SKP1: variants seen among roughly 807,000 people sequenced by gnomAD.
SKP1 encodes the protein S-phase kinase-associated protein 1.
Under a neutral mutation model 21.5 loss-of-function variants are expected in SKP1, and 1 was observed. The observed-to-expected ratio is 0.05, with a 90% confidence interval of 0.02 to 0.22. The LOEUF (loss-of-function observed/expected upper bound fraction) is 0.22. SKP1 is among the 10% of genes least tolerant of loss of function. The pLI is 1.00. For missense variants in SKP1, 70 were observed against 192.0 expected, an observed-to-expected ratio of 0.36 and a Z score of 3.76; for synonymous variants, 59 against 59.3, an observed-to-expected ratio of 0.99 and a Z score of 0.03.
intron 3 of SKP1, among the ~76,000 whole-genome samples, chr5:134,165,093 GGAA>G (rs1465005508): frequency 6.6e-6 from 1 of 151,508 alleles, no homozygotes; most frequent in African/African-American, 2.4e-5. Context: ...TACCGAAATT[GGAA>G]GTTACAGTTT....
At chr5:134,166,343 G>A (rs10036074) in intron 3 of SKP1, among the ~76,000 whole-genome samples, 5,179 of 151,646 alleles carry the variant, frequency 0.034, 241 homozygotes, top group African/African-American at 0.11. Context: ...AGCACTTTGC[G>A]AGGCTGAGGT....
intron 4 of SKP1, among the ~76,000 whole-genome samples, chr5:134,159,686 T>A (rs1308515344): frequency 6.6e-6 from 1 of 152,126 alleles, no homozygotes; most frequent in East Asian, 1.9e-4. Context: ...TAGCTGAGAC[T>A]ACAGGTTCCT....
In SKP1 at chr5:134,151,205, A is replaced by T. The variant is rs1254710306; in HGVS notation, c.*6528T>A. On this transcript the variant is annotated 3_prime_UTR_variant, in exon 6 of 6. Coordinates refer to ENST00000353411, the MANE Select transcript of SKP1 (RefSeq NM_170679.3). ...CTTCCTTTTTCATTCAAGTGTTCTCATTCTTTTATCTGAAGCCTAGTTCTT... is the reference window on the plus strand; with the variant it reads ...CTTCCTTTTTCATTCAAGTGTTCTCTTTCTTTTATCTGAAGCCTAGTTCTT... The T allele has an allele frequency of 5.9e-5, 9 of 152,210 alleles. No homozygotes were observed. The highest frequency in any genetic ancestry group is 2.9e-5 in the Non-Finnish European group (2 of 68,190). 9.4% of individuals were successfully genotyped at this position (152,210 alleles called of 1,614,324 possible).
At chr5:134,169,052 T>C (rs1413153876) in intron 2 of SKP1, among the ~76,000 whole-genome samples, 1 of 152,028 alleles carries the variant, frequency 6.6e-6, no homozygotes, top group Non-Finnish European at 1.5e-5. Context: ...AACTGCAGGC[T>C]TTAAAGACTG....
At chr5:134,166,780 C>T (rs1186086593) in intron 3 of SKP1, among the ~76,000 whole-genome samples, 10 of 152,086 alleles carry the variant, frequency 6.6e-5, no homozygotes, top group Non-Finnish European at 1.2e-4. Context: ...AAGACAGTCA[C>T]GATTCAATTC....
chr5:134,164,578 C>A (rs1379868117), intron 3 of SKP1, among the ~76,000 whole-genome samples: 1 of 152,118 alleles, frequency 6.6e-6, no homozygotes, highest in African/African-American at 2.4e-5. Context: ...TTTTGGATGG[C>A]ATTTGAATGT....
At position 134,157,049 on chromosome 5, in the gene SKP1, G is replaced by C. The variant is rs1223688843; in HGVS notation, c.*684C>G. On this transcript the variant is annotated 3_prime_UTR_variant, in exon 6 of 6. Transcript: ENST00000353411. ...AAAGATGACATCCCACATGGGTTAAGTGTCTTTTTAATTGAAAAGCTAACT... is the reference window on the plus strand; with the variant it reads ...AAAGATGACATCCCACATGGGTTAACTGTCTTTTTAATTGAAAAGCTAACT... 6.5e-6 allele frequency: 1 copy of C among 152,680 alleles called. No homozygotes were observed. Among genetic ancestry groups the C allele is most frequent in the Non-Finnish European group, 1.5e-5 (1 of 68,054 alleles). 9.5% of individuals were successfully genotyped at this position (152,680 alleles called of 1,614,324 possible).
intron 4 of SKP1, among the ~76,000 whole-genome samples, chr5:134,160,592 T>C (rs540862089): frequency 7.2e-5 from 11 of 152,196 alleles, no homozygotes; most frequent in African/African-American, 1.2e-4. Flanking sequence ...TTTAAAAAAC[T>C]GATCCCCTTA....
chr5:134,166,579 T>TC (rs1761336062), intron 3 of SKP1, among the ~76,000 whole-genome samples: 2 of 2,812 alleles, frequency 7.1e-4, no homozygotes, highest in South Asian at 0.01. Flanking sequence ...GACTCTGGTC[T>TC]CAAAAAAAAA....
At chr5:134,171,114 A>C in intron 2 of SKP1, 1 of 434,484 alleles carries the variant, frequency 2.3e-6, no homozygotes, top group Non-Finnish European at 4.5e-6. Flanking sequence ...TTTAAAGGCC[A>C]CTATGATTGG....
chr5:134,176,445 G>A (rs1761547806), intron 1 of SKP1, among the ~76,000 whole-genome samples: 1 of 152,134 alleles, frequency 6.6e-6, no homozygotes, highest in South Asian at 2.1e-4. Flanking sequence ...GCTCACGACA[G>A]CCAAGGGACC....
rs1427196151 is a variant in SKP1 at position 134,153,198 on chromosome 5, G to A, written c.*4535C>T. The A allele has an allele frequency of 5.9e-5, 9 of 152,208 alleles. No individual in the cohort carries two copies. Among genetic ancestry groups the A allele is most frequent in the African/African-American group, 1.9e-4 (8 of 41,448 alleles). The allele number at this position is 152,208 out of a possible 1,614,324, so 9.4% of individuals were successfully genotyped here. The stretch of plus-strand genomic sequence containing the variant: ...TTTAGAAAAGGAAAAATTGGTGGGT[G>A]CTGTGGCTCACATCTGTAATACCAG... On this transcript the variant is annotated 3_prime_UTR_variant, in exon 6 of 6. Coordinates refer to ENST00000353411, the MANE Select transcript of SKP1 (RefSeq NM_170679.3).
Position 134,150,381 on chromosome 5 carries a change from G to A in SKP1, c.*7352C>T, listed in dbSNP as rs867215079. ...CCAGGAAGGCCACAAGTAAAGGGAA[G>A]CGGAAGGGTTCTTTATATCCTGTTC... On this transcript the variant is annotated 3_prime_UTR_variant, in exon 6 of 6. Coordinates refer to ENST00000353411, the MANE Select transcript of SKP1 (RefSeq NM_170679.3). 1 of 152,234 alleles carries A rather than the reference G, an allele frequency of 6.6e-6. No individual in the cohort carries two copies. Among genetic ancestry groups the A allele is most frequent in the South Asian group, 2.1e-4 (1 of 4,830 alleles). 9.4% of individuals were successfully genotyped at this position (152,234 alleles called of 1,614,324 possible).
intron 2 of SKP1, chr5:134,171,184 A>AT: frequency 2.7e-6 from 1 of 365,376 alleles, no homozygotes. Context: ...CCCACTTAGA[A>AT]AACAAAACAG....
At position 134,155,551 on chromosome 5, in the gene SKP1, T is replaced by C. The variant is rs777689325; in HGVS notation, c.*2182A>G. On this transcript the variant is annotated 3_prime_UTR_variant, in exon 6 of 6. Coordinates refer to ENST00000353411, the MANE Select transcript of SKP1 (RefSeq NM_170679.3). ...ACTACAGAAAGTCAGGAAACAAAAA[T>C]TTAAATTACTACTATATTGTCTGTC... 2.6e-5 allele frequency: 4 copies of C among 152,198 alleles called. No individual in the cohort carries two copies. The highest frequency in any genetic ancestry group is 5.9e-5 in the Non-Finnish European group (4 of 68,022). 9.4% of individuals were successfully genotyped at this position (152,198 alleles called of 1,614,324 possible).
intron 4 of SKP1, among the ~76,000 whole-genome samples, chr5:134,159,709 G>A (rs946073688): frequency 2.0e-5 from 3 of 152,044 alleles, no homozygotes; most frequent in East Asian, 3.9e-4. Context: ...CACCCCACCC[G>A]GCTAATTTTC....
At chr5:134,168,191 T>A (rs891695131) in intron 2 of SKP1, among the ~76,000 whole-genome samples, 3 of 152,230 alleles carry the variant, frequency 2.0e-5, no homozygotes, top group Admixed American at 6.5e-5. Flanking sequence ...AATGACTGGG[T>A]AGCCATCTGA....
At chr5:134,161,954 T>A (rs1246266490) in intron 3 of SKP1, 1 of 152,246 alleles carries the variant, frequency 6.6e-6, no homozygotes, top group East Asian at 1.9e-4. Context: ...TACTGTGTAA[T>A]TCTTTCCATT....
chr5:134,168,286 T>C (rs1258658716), intron 2 of SKP1, among the ~76,000 whole-genome samples: 1 of 152,146 alleles, frequency 6.6e-6, no homozygotes, highest in Non-Finnish European at 1.5e-5. Context: ...TAATGAAAAC[T>C]ATTACAGGTA....
Sources: allele counts gnomAD v4.1 joint callset (sites outside exome capture counted in the v4.1 genomes callset), GRCh38; gene constraint gnomAD v4.1.1; transcripts MANE v1.5; gene names NCBI Gene and HGNC (gene_info 2026-07-23, HGNC 2026-07-21).